Variants in RAB21 observed in about 807,000 individuals in gnomAD.
RAB21 encodes the protein ras-related protein Rab-21.
RAB21 carries 13 observed loss-of-function variants against 33.1 expected under a neutral mutation model. The ratio of observed to expected loss-of-function variants is 0.39; its 90% CI spans 0.26 to 0.62. The LOEUF is 0.62. RAB21 is among the 20% of genes least tolerant of loss of function. The pLI is 0.48. For synonymous variants in RAB21, 91 were observed against 103.7 expected (o/e 0.88, Z 0.74); for missense variants, 234 against 279.1 (o/e 0.84, Z 1.15).
rs560975824 is a variant in RAB21 at position 71,781,745 on chromosome 12, C to G, written c.392-286C>G. Among the ~76,000 whole-genome samples the G allele has an allele frequency of 2.1e-4, 32 of 152,194 alleles. 1 individual carries two copies. The South Asian group carries it at 6.6e-3, about 32-fold the overall frequency. ...AGGTTTATCTCTAGGTCTCTGGTAT[C>G]CCCCAAAATCAAAAAAGAGTGCCTG... On this transcript the variant is annotated intron_variant, in intron 4 of 6. Transcript: ENST00000261263.
At position 71,754,956 on chromosome 12, in the gene RAB21, T is replaced by C. The variant is rs1882757428; in HGVS notation, c.-174T>C. 6.1e-6 allele frequency: 3 copies of C among 495,742 alleles called. No homozygotes were observed. The highest frequency in any genetic ancestry group is 7.9e-6 in the Non-Finnish European group (3 of 379,590). 30.7% of individuals were successfully genotyped at this position (495,742 alleles called of 1,614,324 possible). ...GACGTGGTGGGCTGGGGCCCTTCAT[T>C]CTCGGACTTTCCCTCAGCCCTTCCA... On this transcript the variant is annotated 5_prime_UTR_variant, in exon 1 of 7. Transcript: ENST00000261263.
Position 71,786,511 on chromosome 12 carries a change from A to C in RAB21, c.*838A>C, listed in dbSNP as rs1240711741. 1 of 152,622 alleles carries C rather than the reference A, an allele frequency of 6.6e-6. No individual in the cohort carries two copies. Among genetic ancestry groups the C allele is most frequent in the Non-Finnish European group, 1.5e-5 (1 of 68,040 alleles). 9.5% of individuals were successfully genotyped at this position (152,622 alleles called of 1,614,324 possible). ...TGTCTACTACTTTGATATAATCTGTATACATCCTGTATGCTGAGCTGGTAA... is the reference window on the plus strand; with the variant it reads ...TGTCTACTACTTTGATATAATCTGTCTACATCCTGTATGCTGAGCTGGTAA... On this transcript the variant is annotated 3_prime_UTR_variant, in exon 7 of 7. Coordinates refer to ENST00000261263, the MANE Select transcript of RAB21 (RefSeq NM_014999.4).
intron 1 of RAB21, among the ~76,000 whole-genome samples, chr12:71,764,568 C>T (rs577485051): frequency 6.6e-6 from 1 of 152,078 alleles, no homozygotes; most frequent in Non-Finnish European, 1.5e-5. Flanking sequence ...GAGCAGTGTA[C>T]ACCATATTCA....
intron 1 of RAB21, among the ~76,000 whole-genome samples, chr12:71,756,094 T>C (rs1882781440): frequency 6.6e-6 from 1 of 152,078 alleles, no homozygotes; most frequent in Non-Finnish European, 1.5e-5. Flanking sequence ...GAGAAATCAG[T>C]TTTGATGTTA....
At chr12:71,782,485 A>G (rs965472194) in intron 5 of RAB21, 85 bp from the exon 6 acceptor site, 1 of 867,896 alleles carries the variant, frequency 1.2e-6, no homozygotes, top group African/African-American at 1.7e-5. Flanking sequence ...TTAATATGTC[A>G]CTAAAACTGT....
chr12:71,788,118 G>A lies in RAB21; in HGVS notation c.*2445G>A, dbSNP rs769521376. On this transcript the variant is annotated 3_prime_UTR_variant, in exon 7 of 7. Transcript: ENST00000261263. ...TAGGTAACACTGAGACCTCCATCTC[G>A]TAAAAGGCACAAAAACTAGTTAGAG... 1.6e-4 allele frequency: 24 copies of A among 151,974 alleles called. No individual in the cohort carries two copies. Among genetic ancestry groups the A allele is most frequent in the Non-Finnish European group, 3.1e-4 (21 of 67,990 alleles). 9.4% of individuals were successfully genotyped at this position (151,974 alleles called of 1,614,324 possible).
In RAB21 at chr12:71,794,421, A is replaced by ATTTTTTTTTTTTTTTTTTTTTTTTTTTT; in HGVS notation, c.*8749_*8750insTTTTTTTTTTTTTTTTTTTTTTTTTTTT. ...ATATATATATTATATATATATATAT[A>ATTTTTTTTTTTTTTTTTTTTTTTTTTTT]TATATATTTTTTTTTTTTTTTTTTT... On this transcript the variant is annotated 3_prime_UTR_variant, in exon 7 of 7. Transcript: ENST00000261263. 1 of 53,122 alleles carries ATTTTTTTTTTTTTTTTTTTTTTTTTTTT rather than the reference A, an allele frequency of 1.9e-5. No homozygotes were observed. Among genetic ancestry groups the ATTTTTTTTTTTTTTTTTTTTTTTTTTTT allele is most frequent in the Non-Finnish European group, 3.2e-5 (1 of 31,688 alleles). 3.3% of individuals were successfully genotyped at this position (53,122 alleles called of 1,614,324 possible).
At position 71,775,661 on chromosome 12, in the gene RAB21, C is replaced by T. The variant is rs567634727; in HGVS notation, c.391+1639C>T. 1.5e-3 allele frequency among the ~76,000 whole-genome samples: 221 copies of T among 152,210 alleles called. 1 individual carries two copies. The highest frequency in any genetic ancestry group is 4.9e-3 in the African/African-American group (205 of 41,542). On this transcript the variant is annotated intron_variant, in intron 4 of 6. Transcript: ENST00000261263. ...AAGCGATTCTCCTCCCTCAGCCTCC[C>T]GAGCAGCTGGGACTACAGGCACGCA...
chr12:71,794,317 C>G lies in RAB21; in HGVS notation c.*8644C>G, dbSNP rs1472595768. 2 of 148,138 alleles carry G rather than the reference C, an allele frequency of 1.4e-5. No individual in the cohort carries two copies. The highest frequency in any genetic ancestry group is 3.0e-5 in the Non-Finnish European group (2 of 67,408). 9.2% of individuals were successfully genotyped at this position (148,138 alleles called of 1,614,324 possible). A position where few individuals can be genotyped will look rare whatever the true frequency, so the allele number is the denominator to read the frequency against. On this transcript the variant is annotated 3_prime_UTR_variant, in exon 7 of 7. Transcript: ENST00000261263. ...TTTGGAGGCTAAGGCAGGTGGACCA[C>G]CTGAGGTCAGGAGTTCGAGACCAGC...
chr12:71,769,847 C>T lies in RAB21; in HGVS notation c.207C>T (p.Asn69=). The change falls in exon 2 of 7, where the codon AAC becomes AAT. Residue 69 remains asparagine (N), a synonymous_variant. Coordinates refer to ENST00000261263, the MANE Select transcript of RAB21 (RefSeq NM_014999.4). ...KKLNIGGKRV[N]LAIWDTAGQE... ...TAAATATTGGTGGGAAAAGAGTAAA[C>T]CTTGCCATATGGGTAAGTGAACTTT... 7.3e-7 allele frequency: 1 copy of T among 1,378,368 alleles called. No homozygotes were observed. Among genetic ancestry groups the T allele is most frequent in the Non-Finnish European group, 9.6e-7 (1 of 1,042,078 alleles). 85.4% of individuals were successfully genotyped at this position (1,378,368 alleles called of 1,614,324 possible).
intron 4 of RAB21, among the ~76,000 whole-genome samples, chr12:71,781,151 C>T (rs1883192722): frequency 6.6e-6 from 1 of 152,114 alleles, no homozygotes; most frequent in East Asian, 1.9e-4. Flanking sequence ...TAATAACTCA[C>T]TAAAATTGTT....
chr12:71,755,335 C>T (rs1486188092), intron 1 of RAB21, 47 bp downstream of exon 1: 2 of 1,445,202 alleles, frequency 1.4e-6, no homozygotes, highest in Non-Finnish European at 9.1e-7. Flanking sequence ...GCCCCTACCC[C>T]TCCGGGGCTG....
At chr12:71,768,638 A>G (rs1882995531) in intron 1 of RAB21, among the ~76,000 whole-genome samples, 1 of 152,044 alleles carries the variant, frequency 6.6e-6, no homozygotes, top group Non-Finnish European at 1.5e-5. Flanking sequence ...TCCCAGGGTC[A>G]TTCTCTTAAA....
rs1194997774 is a variant in RAB21 at position 71,794,808 on chromosome 12, G to C, written c.*9135G>C. The C allele has an allele frequency of 4.0e-5, 6 of 148,670 alleles. No individual in the cohort carries two copies. The highest frequency in any genetic ancestry group is 8.9e-5 in the Non-Finnish European group (6 of 67,434). The allele number at this position is 148,670 out of a possible 1,614,324, so 9.2% of individuals were successfully genotyped here. On this transcript the variant is annotated 3_prime_UTR_variant, in exon 7 of 7. Coordinates refer to ENST00000261263, the MANE Select transcript of RAB21 (RefSeq NM_014999.4). ...TAAAATTAACCGGGCATGGTAGTGA[G>C]CCCCTGTAATCCCAGCTACTTGGGA...
In RAB21 at chr12:71,785,601, G is replaced by A; in HGVS notation, c.606G>A (p.Arg202=). 1 of 1,614,218 alleles carries A rather than the reference G, an allele frequency of 6.2e-7. No individual in the cohort carries two copies. The highest frequency in any genetic ancestry group is 8.5e-7 in the Non-Finnish European group (1 of 1,180,038). ...GCTCTAGTCAGCCGGGAACTGCAAG[G>A]CGAGGTGTACAGATTATTGATGATG... is the stretch of plus-strand genomic sequence containing the variant. ...GNGSSQPGTA[R]RGVQIIDDEP... Residue 202 remains arginine, a synonymous_variant, in exon 7 of 7, where the codon AGG becomes AGA. Transcript: ENST00000261263.
At chr12:71,760,366 T>G (rs1329966552) in intron 1 of RAB21, among the ~76,000 whole-genome samples, 1 of 152,206 alleles carries the variant, frequency 6.6e-6, no homozygotes, top group Non-Finnish European at 1.5e-5. Context: ...GTAAGCTCTC[T>G]TAACTTATAT....
rs759735390 is a variant in RAB21, at chr12:71,755,204, G to C, written c.75G>C (p.Leu25=). The change falls in exon 1 of 7, where the codon CTG becomes CTC. Residue 25 remains leucine, a synonymous_variant. Coordinates refer to ENST00000261263, the MANE Select transcript of RAB21 (RefSeq NM_014999.4). Reference sequence around the variant, plus strand: ...CCTACTCGTTCAAGGTGGTGCTGCTGGGGGAAGGCTGCGTGGGGAAGACGT... The same window carrying C: ...CCTACTCGTTCAAGGTGGTGCTGCTCGGGGAAGGCTGCGTGGGGAAGACGT... The part of the protein sequence containing the change: ...GRAYSFKVVL[L]GEGCVGKTSL... The C allele has an allele frequency of 9.8e-6, 15 of 1,537,268 alleles. No homozygotes were observed. Among genetic ancestry groups the C allele is most frequent in the South Asian group, 7.5e-5 (6 of 80,448 alleles).
chr12:71,770,046 A>G (rs1417003667), intron 2 of RAB21, among the ~76,000 whole-genome samples, 187 bp downstream of exon 2: 1 of 151,972 alleles, frequency 6.6e-6, no homozygotes, highest in Non-Finnish European at 1.5e-5. Context: ...TTTCAGTTGG[A>G]GAAGGGTCAA....
chr12:71,768,643 C>A lies in RAB21; in HGVS notation c.160-1157C>A, dbSNP rs144079675. On this transcript the variant is annotated intron_variant, in intron 1 of 6. Coordinates refer to ENST00000261263, the MANE Select transcript of RAB21 (RefSeq NM_014999.4). Reference sequence around the variant, plus strand: ...TCCCTTCCTATCCCAGGGTCATTCTCTTAAAATATAGATCTGTTTCCCCAT... The same window carrying A: ...TCCCTTCCTATCCCAGGGTCATTCTATTAAAATATAGATCTGTTTCCCCAT... Among the ~76,000 whole-genome samples the A allele has an allele frequency of 6.4e-4, 98 of 152,264 alleles. No individual in the cohort carries two copies. The East Asian group carries it at 0.018, about 28-fold the overall frequency.
Sources: gnomAD v4.1 joint callset for allele counts (sites outside exome capture counted in the v4.1 genomes callset) on GRCh38, gnomAD v4.1.1 for gene constraint, MANE v1.5 for transcripts, NCBI Gene and HGNC (gene_info 2026-07-23, HGNC 2026-07-21) for gene names.